Variants in AMPH observed in about 807,000 individuals in gnomAD.
AMPH encodes amphiphysin, also known as amphiphysin (Stiff-Mann syndrome with breast cancer 128kD autoantigen).
Under a neutral mutation model 99.1 loss-of-function variants are expected in AMPH, and 49 were observed. That is an observed-to-expected ratio of 0.49 (90% CI 0.39 to 0.63). The LOEUF (loss-of-function observed/expected upper bound fraction) is 0.63. Among genes scored for constraint, AMPH ranks in the 20% least tolerant of loss-of-function variants. AMPH has a pLI of 0.00. For synonymous variants in AMPH, 314 were observed against 317.3 expected (o/e 0.99, Z 0.11); for missense variants, 759 against 863.4 (o/e 0.88, Z 1.52).
At position 38,391,977 on chromosome 7, in the gene AMPH, T is replaced by A; in HGVS notation, c.1649A>T (p.Asn550Ile). The change falls in exon 19 of 21, where the codon AAC becomes ATC. Residue 550 changes from asparagine to isoleucine, a missense_variant. By Grantham distance (149) the Asn-to-Ile change is moderately radical. Transcript: ENST00000356264. ...IPSVVIEPAS[N>I]HEEEGENEIT... The stretch of plus-strand genomic sequence containing the variant: ...TTCGTTTTCTCCTTCCTCTTCATGG[T>A]TGGAGGCAGGCTCTATGACCACCGA... 1 of 1,609,706 alleles carries A rather than the reference T, an allele frequency of 6.2e-7. No homozygotes were observed. The highest frequency in any genetic ancestry group is 8.5e-7 in the Non-Finnish European group (1 of 1,179,982).
At chr7:38,587,443 A>C (rs527295690) in intron 1 of AMPH, among the ~76,000 whole-genome samples, 96 of 152,314 alleles carry the variant, frequency 6.3e-4, no homozygotes, top group African/African-American at 2.3e-3. Context: ...CCAGGTAATA[A>C]AAGGCTCTCT....
At chr7:38,407,296 G>GAGAC (rs147597297) in intron 17 of AMPH, among the ~76,000 whole-genome samples, 1 of 142,444 alleles carries the variant, frequency 7.0e-6, no homozygotes, top group Non-Finnish European at 1.5e-5. Context: ...TCTATATAGA[G>GAGAC]AGAGAGAGAG....
intron 20 of AMPH, 55 bp downstream of exon 20, chr7:38,389,749 G>T: frequency 2.3e-6 from 3 of 1,322,138 alleles, no homozygotes; most frequent in Non-Finnish European, 3.3e-6. Context: ...GTGTCCAACA[G>T]ACCCTCAGAA....
At chr7:38,595,744 C>T (rs894331067) in intron 1 of AMPH, among the ~76,000 whole-genome samples, 5 of 152,284 alleles carry the variant, frequency 3.3e-5, no homozygotes, top group East Asian at 3.9e-4. Context: ...TAGTTCCCAG[C>T]GTCTACTGCT....
intron 1 of AMPH, among the ~76,000 whole-genome samples, chr7:38,623,944 CA>C (rs1794153800): frequency 6.6e-6 from 1 of 152,178 alleles, no homozygotes; most frequent in Non-Finnish European, 1.5e-5. Context: ...ACAAATATGA[CA>C]ATTCCACATG....
At chr7:38,541,150 A>G (rs1790796053) in intron 1 of AMPH, among the ~76,000 whole-genome samples, 2 of 151,796 alleles carry the variant, frequency 1.3e-5, no homozygotes, top group African/African-American at 4.8e-5. Flanking sequence ...GTGGTCTTCT[A>G]CTTGTGCCCA....
intron 16 of AMPH, among the ~76,000 whole-genome samples, chr7:38,421,244 G>T (rs905742156): frequency 1.3e-5 from 2 of 152,202 alleles, no homozygotes; most frequent in African/African-American, 4.8e-5. Context: ...CATCCGTGTA[G>T]TAGGTGTGAG....
At chr7:38,423,128 T>A (rs1584069746) in intron 15 of AMPH, among the ~76,000 whole-genome samples, 1 of 152,230 alleles carries the variant, frequency 6.6e-6, no homozygotes, top group South Asian at 2.1e-4. Flanking sequence ...AAATCAGAAG[T>A]TAGTGGTTGA....
At chr7:38,577,675 GAAA>G (rs1055991285) in intron 1 of AMPH, among the ~76,000 whole-genome samples, 1 of 147,696 alleles carries the variant, frequency 6.8e-6, no homozygotes, top group Admixed American at 6.9e-5. Flanking sequence ...AGGAAAGAAA[GAAA>G]AAAAGAGAAA....
chr7:38,425,766 C>T (rs1320022814), intron 15 of AMPH, among the ~76,000 whole-genome samples: 5 of 152,190 alleles, frequency 3.3e-5, no homozygotes, highest in East Asian at 1.9e-4. Context: ...ACATATAGGG[C>T]GGAAACAGAG....
intron 15 of AMPH, 78 bp downstream of exon 15, chr7:38,426,876 C>T: frequency 7.4e-7 from 1 of 1,359,126 alleles, no homozygotes; most frequent in South Asian, 1.2e-5. Flanking sequence ...ATACTAGTGG[C>T]ACAGAGAACC....
chr7:38,490,680 A>G (rs1030854095), intron 5 of AMPH, among the ~76,000 whole-genome samples: 18 of 152,306 alleles, frequency 1.2e-4, no homozygotes, highest in African/African-American at 4.1e-4. Context: ...GAAATTTCTC[A>G]CTTCCTTGTG....
intron 3 of AMPH, among the ~76,000 whole-genome samples, chr7:38,496,083 A>T (rs1788923145): frequency 6.6e-6 from 1 of 152,194 alleles, no homozygotes. Context: ...AGGGGGCTGG[A>T]AACAGGGAGA....
chr7:38,414,668 A>C (rs150217763), intron 17 of AMPH, among the ~76,000 whole-genome samples: 2 of 142,082 alleles, frequency 1.4e-5, no homozygotes, highest in African/African-American at 5.0e-5. Flanking sequence ...AATCATATTG[A>C]ATTTTTTTTT....
At chr7:38,483,479 G>A (rs1035377049) in intron 5 of AMPH, among the ~76,000 whole-genome samples, 1 of 152,078 alleles carries the variant, frequency 6.6e-6, no homozygotes, top group African/African-American at 2.4e-5. Flanking sequence ...AGCATCCAAC[G>A]ATACAACCTT....
At chr7:38,546,001 C>T (rs1790983901) in intron 1 of AMPH, among the ~76,000 whole-genome samples, 1 of 152,036 alleles carries the variant, frequency 6.6e-6, no homozygotes, top group African/African-American at 2.4e-5. Flanking sequence ...AAAACCAAAC[C>T]CTACTTCCTC....
At chr7:38,389,461 C>T (rs1288302649) in intron 20 of AMPH, among the ~76,000 whole-genome samples, 1 of 152,122 alleles carries the variant, frequency 6.6e-6, no homozygotes, top group Non-Finnish European at 1.5e-5. Context: ...CATCAATATC[C>T]ACACACCCAG....
intron 7 of AMPH, among the ~76,000 whole-genome samples, chr7:38,469,251 GT>G (rs1265692386): frequency 1.3e-5 from 2 of 148,220 alleles, no homozygotes; most frequent in Admixed American, 1.3e-4. Context: ...CTGCTTAAAA[GT>G]TTCATTTTGC....
At chr7:38,626,007 G>T (rs1487991841) in intron 1 of AMPH, among the ~76,000 whole-genome samples, 4 of 152,062 alleles carry the variant, frequency 2.6e-5, no homozygotes, top group Non-Finnish European at 5.9e-5. Context: ...AAATAAAAAA[G>T]TTAAATTTAC....
Sources: allele counts gnomAD v4.1 joint callset (sites outside exome capture counted in the v4.1 genomes callset), GRCh38; gene constraint gnomAD v4.1.1; transcripts MANE v1.5; gene names NCBI Gene and HGNC (gene_info 2026-07-23, HGNC 2026-07-21).